Variants in PIWIL1 observed in about 807,000 individuals in gnomAD.
The protein encoded by PIWIL1 is piwi-like protein 1.
PIWIL1 carries 73 observed loss-of-function variants against 114.4 expected under a neutral mutation model. That is an observed-to-expected ratio of 0.64 (90% CI 0.53 to 0.78). PIWIL1 has a LOEUF of 0.78. Among genes scored for constraint, PIWIL1 ranks in the 30% least tolerant of loss-of-function variants. The pLI is 0.00. For synonymous variants in PIWIL1, 375 were observed against 369.0 expected, an observed-to-expected ratio of 1.02 and a Z score of -0.19; for missense variants, 723 against 1,063.1, an observed-to-expected ratio of 0.68 and a Z score of 4.45.
chr12:130,382,366 T>C, the PIWIL1 span, among the ~76,000 whole-genome samples: 1 of 152,218 alleles, frequency 6.6e-6, no homozygotes, highest in Admixed American at 6.5e-5. Flanking sequence ...CCTGGACCTG[T>C]GAACCACTGA....
At chr12:130,340,376 C>T (rs922195665) in intron 1 of PIWIL1, among the ~76,000 whole-genome samples, 2 of 151,878 alleles carry the variant, frequency 1.3e-5, no homozygotes, top group African/African-American at 2.4e-5. Flanking sequence ...TTCCACGGAC[C>T]GGTGAGGGAT....
At chr12:130,407,966 C>G in the PIWIL1 span, 1 of 727,766 alleles carries the variant, frequency 1.4e-6, no homozygotes, top group Non-Finnish European at 2.4e-6. Flanking sequence ...CTCCTGGGCA[C>G]TCACATCAGC....
rs900931313 is a variant in PIWIL1 at position 130,372,365 on chromosome 12, G to C, written c.*767G>C. ...GTAATTCTTGTTTTACTGAAAGTATGTGCGTTTTCTTTTCATTTAATTTTT... is the reference window on the plus strand; with the variant it reads ...GTAATTCTTGTTTTACTGAAAGTATCTGCGTTTTCTTTTCATTTAATTTTT... On this transcript the variant is annotated 3_prime_UTR_variant, in exon 21 of 21. Coordinates refer to ENST00000245255, the MANE Select transcript of PIWIL1 (RefSeq NM_004764.5). 2.0e-5 allele frequency: 3 copies of C among 152,056 alleles called. No individual in the cohort carries two copies. The highest frequency in any genetic ancestry group is 7.2e-5 in the African/African-American group (3 of 41,422). 9.4% of individuals were successfully genotyped at this position (152,056 alleles called of 1,614,324 possible).
At chr12:130,380,755 C>CA in the PIWIL1 span, among the ~76,000 whole-genome samples, 19 of 152,296 alleles carry the variant, frequency 1.2e-4, no homozygotes, top group African/African-American at 3.8e-4. Flanking sequence ...TTAAGTAACA[C>CA]AGAATCATGT....
chr12:130,368,700 A>G (rs550057449), intron 19 of PIWIL1, among the ~76,000 whole-genome samples: 1 of 152,180 alleles, frequency 6.6e-6, no homozygotes, highest in African/African-American at 2.4e-5. Context: ...ATGCTTTCCA[A>G]CATTGCTACT....
At chr12:130,424,313 G>A in the PIWIL1 span, 2,334 of 1,231,604 alleles carry the variant, frequency 1.9e-3, 35 homozygotes, top group African/African-American at 0.032. The surrounding 1 kb of genome is among the most constrained non-coding windows in gnomAD (Gnocchi z 9.8). Flanking sequence ...GGGGGTCGTC[G>A]TTCCTGAGGA....
At chr12:130,374,873 T>C (rs1252766874), downstream of PIWIL1, among the ~76,000 whole-genome samples, 3 of 152,160 alleles carry the variant, frequency 2.0e-5, no homozygotes, top group Admixed American at 6.5e-5. Context: ...CAACAGCCTC[T>C]TAGGGGCGGT....
At chr12:130,354,512 A>G in intron 9 of PIWIL1, 25 bp from the exon 10 acceptor site, 1 of 1,613,890 alleles carries the variant, frequency 6.2e-7, no homozygotes, top group Non-Finnish European at 8.5e-7. Context: ...TGCCGTGAAC[A>G]GCGACCCTTT....
At chr12:130,413,984 A>G in the PIWIL1 span, 1 of 893,996 alleles carries the variant, frequency 1.1e-6, no homozygotes, top group South Asian at 1.6e-5. Context: ...TCACAGCACC[A>G]TGCCACCTCC....
chr12:130,371,160 T>C lies in PIWIL1; in HGVS notation c.2322-16T>C. ...TTTTAGTTTTCAGCACATCCGTGTGTTTTCTGTAATTCCAGGTATGACTTT... is the reference window on the plus strand; with the variant it reads ...TTTTAGTTTTCAGCACATCCGTGTGCTTTCTGTAATTCCAGGTATGACTTT... On this transcript the variant is annotated splice_polypyrimidine_tract_variant and intron_variant, in intron 19 of 20. Transcript: ENST00000245255. 1 of 1,612,966 alleles carries C rather than the reference T, an allele frequency of 6.2e-7. No homozygotes were observed.
chr12:130,369,727 T>TTTTA (rs2073768284), intron 19 of PIWIL1, among the ~76,000 whole-genome samples: 1 of 152,038 alleles, frequency 6.6e-6, no homozygotes, highest in Admixed American at 6.6e-5. Flanking sequence ...TTTGCCCACT[T>TTTTA]TTTAATGTTT....
At chr12:130,392,093 C>T in the PIWIL1 span, among the ~76,000 whole-genome samples, 3 of 87,612 alleles carry the variant, frequency 3.4e-5, no homozygotes, top group African/African-American at 4.7e-5. Flanking sequence ...GCATCAGTTA[C>T]CCAGTGAATA....
At chr12:130,384,659 T>A in the PIWIL1 span, among the ~76,000 whole-genome samples, 4 of 152,124 alleles carry the variant, frequency 2.6e-5, no homozygotes, top group Admixed American at 6.5e-5. Context: ...TGCATCGTGG[T>A]TTTATACAAG....
At chr12:130,348,993 C>T (rs2073144464) in intron 7 of PIWIL1, among the ~76,000 whole-genome samples, 1 of 152,098 alleles carries the variant, frequency 6.6e-6, no homozygotes, top group African/African-American at 2.4e-5. Flanking sequence ...TTTTAAAAGT[C>T]TTAGGCCAGT....
intron 1 of PIWIL1, 105 bp from the exon 2 acceptor site, chr12:130,342,475 G>T: frequency 1.5e-6 from 1 of 688,216 alleles, no homozygotes; most frequent in Non-Finnish European, 2.6e-6. Flanking sequence ...TAATTGCCTG[G>T]GGAGCTTACT....
chr12:130,364,697 C>T (rs1380224448), intron 18 of PIWIL1, among the ~76,000 whole-genome samples: 1 of 152,082 alleles, frequency 6.6e-6, no homozygotes, highest in Admixed American at 6.6e-5. Flanking sequence ...TGTTCTCTGA[C>T]TTGGCCTTTC....
chr12:130,416,927 T>A, the PIWIL1 span, among the ~76,000 whole-genome samples: 1 of 151,872 alleles, frequency 6.6e-6, no homozygotes, highest in Non-Finnish European at 1.5e-5. Flanking sequence ...AAAGATCACA[T>A]ACAAGCAGAT....
chr12:130,356,752 T>G (rs560652195), intron 12 of PIWIL1, among the ~76,000 whole-genome samples, 166 bp from the exon 13 acceptor site: 25 of 152,302 alleles, frequency 1.6e-4, no homozygotes, highest in Admixed American at 5.2e-4. Flanking sequence ...TTGGATATAT[T>G]TTAGAGTCTA....
intron 14 of PIWIL1, among the ~76,000 whole-genome samples, chr12:130,358,471 AG>A: frequency 6.6e-6 from 1 of 152,224 alleles, no homozygotes; most frequent in Non-Finnish European, 1.5e-5. Flanking sequence ...TTTTCTGAAC[AG>A]ATTTAGGTGG....
Sources: gnomAD v4.1 joint callset for allele counts (sites outside exome capture counted in the v4.1 genomes callset) on GRCh38, gnomAD v4.1.1 for gene constraint, Gnocchi (gnomAD v3.1) non-coding constraint, MANE v1.5 for transcripts, NCBI Gene and HGNC (gene_info 2026-07-23, HGNC 2026-07-21) for gene names.